The following RUNX1 variants were observed in gnomAD, a reference collection of about 807,000 sequenced individuals.
The protein encoded by RUNX1 is runt-related transcription factor 1.
Under a neutral mutation model 42.8 loss-of-function variants are expected in RUNX1, and 19 were observed. The ratio of observed to expected loss-of-function variants is 0.44; its 90% CI spans 0.31 to 0.65. RUNX1 has a LOEUF of 0.65. Among genes scored for constraint, RUNX1 ranks in the 30% least tolerant of loss-of-function variants. The probability of loss-of-function intolerance (pLI) is 0.07; values close to 1 mark genes in which losing one functional copy is unlikely to be tolerated. For synonymous variants in RUNX1, 271 were observed against 289.4 expected (o/e 0.94, Z 0.64); for missense variants, 528 against 672.0 (o/e 0.79, Z 2.37).
intron 2 of RUNX1, among the ~76,000 whole-genome samples, chr21:34,936,591 T>C (rs372772374): frequency 6.6e-5 from 10 of 152,344 alleles, no homozygotes; most frequent in South Asian, 4.1e-4. Context: ...GCATCTCATC[T>C]AATTGCCCAG....
In RUNX1 at chr21:34,976,196, G is replaced by C. The variant is rs117078150; in HGVS notation, c.58+72646C>G. Among the ~76,000 whole-genome samples, 453 of 151,558 alleles carry C rather than the reference G, an allele frequency of 3.0e-3. 13 individuals are homozygous for C. The East Asian group carries it at 0.058, about 19-fold the overall frequency. ...CACTGTTCAAGCTCAATGAGATCTA[G>C]TTGAGATTACAGATTAATACAAAGC... On this transcript the variant is annotated intron_variant, in intron 2 of 8. Transcript: ENST00000675419.
chr21:34,939,773 G>A (rs112467794), intron 2 of RUNX1, among the ~76,000 whole-genome samples: 380 of 152,264 alleles, frequency 2.5e-3, no homozygotes, highest in African/African-American at 8.6e-3. Context: ...CCCAACCAGC[G>A]TCTATAAGAG....
At chr21:34,853,011 G>A (rs2057444732) in intron 6 of RUNX1, among the ~76,000 whole-genome samples, 1 of 152,182 alleles carries the variant, frequency 6.6e-6, no homozygotes, top group African/African-American at 2.4e-5. Context: ...GTGCACACGG[G>A]CCCTCCACGA....
rs540075743 is a variant in RUNX1, at chr21:34,973,083, C to T, written c.58+75759G>A. On this transcript the variant is annotated intron_variant, in intron 2 of 8. Coordinates refer to ENST00000675419, the MANE Select transcript of RUNX1 (RefSeq NM_001754.5). ...AATCACTTGAATGGATTCCCCAGCT[C>T]ACTAGAGATAGGCAGTAAGGCTCTT... Among the ~76,000 whole-genome samples, 17 of 152,306 alleles carry T rather than the reference C, an allele frequency of 1.1e-4. No individual in the cohort carries two copies. In the East Asian group the frequency reaches 2.9e-3, roughly 26 times the overall value.
At chr21:34,955,222 G>A (rs2058635978) in intron 2 of RUNX1, among the ~76,000 whole-genome samples, 1 of 152,016 alleles carries the variant, frequency 6.6e-6, no homozygotes, top group Non-Finnish European at 1.5e-5. Flanking sequence ...TTGTGGGTGG[G>A]AGGAAGTCTA....
intron 7 of RUNX1, among the ~76,000 whole-genome samples, chr21:34,812,419 G>A (rs2056769884): frequency 6.6e-6 from 1 of 152,176 alleles, no homozygotes. Flanking sequence ...GAAGATAAGA[G>A]CCATTTGTGC....
chr21:34,815,803 C>T (rs888219384), intron 7 of RUNX1, among the ~76,000 whole-genome samples: 4 of 151,974 alleles, frequency 2.6e-5, no homozygotes, highest in Admixed American at 1.3e-4. Flanking sequence ...AGGCAGCCTC[C>T]GATGAGGCTG....
intron 8 of RUNX1, among the ~76,000 whole-genome samples, chr21:34,796,706 G>A (rs2056532754): frequency 6.6e-6 from 1 of 152,174 alleles, no homozygotes; most frequent in South Asian, 2.1e-4. Context: ...TAAACAACCT[G>A]AGCAGGTAAT....
At chr21:35,005,685 C>T (rs374999221) in intron 2 of RUNX1, among the ~76,000 whole-genome samples, 8 of 152,306 alleles carry the variant, frequency 5.3e-5, no homozygotes, top group South Asian at 2.1e-4. Context: ...GCTCAGCACT[C>T]GCCAGCTAGT....
intron 2 of RUNX1, among the ~76,000 whole-genome samples, chr21:34,933,560 G>A (rs1161481780): frequency 6.6e-6 from 1 of 152,086 alleles, no homozygotes; most frequent in Non-Finnish European, 1.5e-5. Flanking sequence ...ACCAGAAAAG[G>A]GAACAAATAC....
chr21:34,851,589 G>C (rs2284615), intron 6 of RUNX1, among the ~76,000 whole-genome samples: 1 of 150,824 alleles, frequency 6.6e-6, no homozygotes, highest in South Asian at 2.1e-4. Context: ...TGCAGACAGG[G>C]TTTTTTTTTT....
intron 2 of RUNX1, among the ~76,000 whole-genome samples, chr21:34,938,042 C>T (rs563393762): frequency 6.6e-6 from 1 of 152,246 alleles, no homozygotes; most frequent in South Asian, 2.1e-4. Context: ...AGTGCCGTGC[C>T]ATTTAGTGAC....
chr21:34,940,991 G>T (rs537997992), intron 2 of RUNX1, among the ~76,000 whole-genome samples: 1 of 152,330 alleles, frequency 6.6e-6, no homozygotes, highest in Admixed American at 6.5e-5. Context: ...TCTTGTCACT[G>T]CCATAGAAGA....
intron 3 of RUNX1, chr21:34,888,682 G>A (rs1024668047): frequency 1.9e-6 from 2 of 1,042,122 alleles, no homozygotes; most frequent in Non-Finnish European, 2.3e-6. Context: ...CGCGCCCGCT[G>A]GCTCTATGAA....
chr21:34,983,011 TCTTTAGGAA>T (rs1352209886), intron 2 of RUNX1, among the ~76,000 whole-genome samples: 2 of 152,256 alleles, frequency 1.3e-5, no homozygotes, highest in African/African-American at 4.8e-5. Flanking sequence ...CCCAAGTGAA[TCTTTAGGAA>T]CATTCCAGGC....
chr21:34,847,672 C>T (rs2057336836), intron 6 of RUNX1, among the ~76,000 whole-genome samples: 1 of 152,102 alleles, frequency 6.6e-6, no homozygotes, highest in African/African-American at 2.4e-5. Context: ...TTGCAGGTCA[C>T]ACAACAGCAT....
At chr21:34,847,479 A>G (rs946895969) in intron 6 of RUNX1, among the ~76,000 whole-genome samples, 8 of 148,626 alleles carry the variant, frequency 5.4e-5, no homozygotes, top group African/African-American at 2.0e-4. Flanking sequence ...CAAAACAATA[A>G]TAGATTTTCT....
At chr21:34,819,462 T>A (rs955911758) in intron 7 of RUNX1, among the ~76,000 whole-genome samples, 1 of 152,110 alleles carries the variant, frequency 6.6e-6, no homozygotes, top group Non-Finnish European at 1.5e-5. Flanking sequence ...AGTCACCAAG[T>A]CTTAGTGAAG....
At chr21:34,938,535 C>T (rs2058503338) in intron 2 of RUNX1, among the ~76,000 whole-genome samples, 1 of 151,878 alleles carries the variant, frequency 6.6e-6, no homozygotes, top group East Asian at 1.9e-4. Flanking sequence ...TCCTTCTCCT[C>T]CTTCTTCTTC....
Sources: gnomAD v4.1 joint callset for allele counts (sites outside exome capture counted in the v4.1 genomes callset) on GRCh38, gnomAD v4.1.1 for gene constraint, MANE v1.5 for transcripts, NCBI Gene and HGNC (gene_info 2026-07-23, HGNC 2026-07-21) for gene names.